The following NETO2 variants were observed in gnomAD, a reference collection of about 807,000 sequenced individuals.
The protein encoded by NETO2 is neuropilin and tolloid like 2.
In NETO2, 28 loss-of-function variants were observed where a neutral mutation model predicts 62.5. The observed-to-expected ratio is 0.45, with a 90% confidence interval of 0.33 to 0.61. The LOEUF is 0.61. NETO2 is among the 20% of genes least tolerant of loss of function. NETO2 has a pLI of 0.02. For missense variants in NETO2, 548 were observed against 643.2 expected, an observed-to-expected ratio of 0.85 and a Z score of 1.60; for synonymous variants, 214 against 219.1, an observed-to-expected ratio of 0.98 and a Z score of 0.21.
At chr16:47,135,113 C>A (rs1391656064) in intron 1 of NETO2, among the ~76,000 whole-genome samples, 1 of 152,196 alleles carries the variant, frequency 6.6e-6, no homozygotes. Flanking sequence ...GACTATTAAT[C>A]CATTCTAAAT....
rs374351135 is a variant in NETO2 at position 47,084,934 on chromosome 16, C to T, written c.998-1133G>A. On this transcript the variant is annotated intron_variant, in intron 8 of 8. Coordinates refer to ENST00000562435, the MANE Select transcript of NETO2 (RefSeq NM_018092.5). ...AATAAAGTGCCCAATAAATGTAACG[C>T]GCTTAAATCATCCTGAAACCAACCC... 2.4e-4 allele frequency among the ~76,000 whole-genome samples: 37 copies of T among 152,218 alleles called. 1 individual carries two copies. The highest frequency in any genetic ancestry group is 6.8e-3 in the Middle Eastern group (2 of 294).
At chr16:47,136,344 T>G (rs1964361088) in intron 1 of NETO2, among the ~76,000 whole-genome samples, 2 of 152,108 alleles carry the variant, frequency 1.3e-5, no homozygotes, top group African/African-American at 4.8e-5. Flanking sequence ...CTCCAGCACC[T>G]TACAGATAAC....
chr16:47,115,531 AT>A (rs918769763), intron 6 of NETO2, among the ~76,000 whole-genome samples: 39 of 144,630 alleles, frequency 2.7e-4, no homozygotes, highest in South Asian at 8.8e-4. Flanking sequence ...AATTCAACTG[AT>A]TTTTTTTTTT....
intron 6 of NETO2, among the ~76,000 whole-genome samples, chr16:47,113,337 T>C (rs1963840929): frequency 7.2e-5 from 11 of 152,160 alleles, no homozygotes; most frequent in Admixed American, 6.5e-4. Flanking sequence ...CCCACTCAAC[T>C]TCTCTTGTGC....
chr16:47,109,625 A>T lies in NETO2; in HGVS notation c.741T>A (p.Ser247=), dbSNP rs779755397. 3 of 1,614,042 alleles carry T rather than the reference A, an allele frequency of 1.9e-6. No individual in the cohort carries two copies. The highest frequency in any genetic ancestry group is 2.7e-5 in the African/African-American group (2 of 74,930). Residue 247 remains serine, a synonymous_variant, in exon 7 of 9, where the codon TCT becomes TCA. Transcript: ENST00000562435. ...AAAACTTGGCCTTCAGGTTTTCAAT[A>T]GAACTGCTTCCATCATAGACTGCAA... is the stretch of plus-strand genomic sequence containing the variant. ...NFVAVYDGSS[S]IENLKAKFCS...
Position 47,122,771 on chromosome 16 carries a change from C to T in NETO2, c.540G>A (p.Glu180=). Residue 180 remains glutamate, a synonymous_variant, in exon 6 of 9, where the codon GAG becomes GAA. Coordinates refer to ENST00000562435, the MANE Select transcript of NETO2 (RefSeq NM_018092.5). ...GCACTATTCCATCAGCTCCCGAGAG[C>T]TCGAACTGACAATCTGGAAGGAATA... ...ILNPIPDCQF[E]LSGADGIVRS... 1 of 1,613,966 alleles carries T rather than the reference C, an allele frequency of 6.2e-7. No individual in the cohort carries two copies.
chr16:47,083,026 G>C lies in NETO2; in HGVS notation c.*195C>G. ...AGATGATTATTGTTTCCACTGAATA[G>C]AGTAAGTTCCTTGATTGGTTTAACA... On this transcript the variant is annotated 3_prime_UTR_variant, in exon 9 of 9. Coordinates refer to ENST00000562435, the MANE Select transcript of NETO2 (RefSeq NM_018092.5). 1.9e-6 allele frequency: 1 copy of C among 526,192 alleles called. No individual in the cohort carries two copies. The highest frequency in any genetic ancestry group is 3.3e-6 in the Non-Finnish European group (1 of 301,856). The allele number at this position is 526,192 out of a possible 1,614,324, so 32.6% of individuals were successfully genotyped here.
At chr16:47,142,033 C>T (rs1964470494) in intron 1 of NETO2, among the ~76,000 whole-genome samples, 1 of 152,182 alleles carries the variant, frequency 6.6e-6, no homozygotes, top group Non-Finnish European at 1.5e-5. Context: ...CTCGGATGCA[C>T]GGTCAGTAGC....
chr16:47,114,800 T>C (rs923596173), intron 6 of NETO2, among the ~76,000 whole-genome samples: 4 of 152,168 alleles, frequency 2.6e-5, no homozygotes, highest in African/African-American at 9.7e-5. Context: ...AAGAACTCTT[T>C]GTCTAACCCA....
At chr16:47,109,402 T>A (rs1028801669) in intron 7 of NETO2, 81 bp downstream of exon 7, 3 of 839,748 alleles carry the variant, frequency 3.6e-6, no homozygotes, top group Non-Finnish European at 5.2e-6. Flanking sequence ...ATAAATATTT[T>A]AAAAAAGTAA....
chr16:47,122,172 T>C (rs1964052761), intron 6 of NETO2, among the ~76,000 whole-genome samples: 1 of 152,196 alleles, frequency 6.6e-6, no homozygotes, highest in Non-Finnish European at 1.5e-5. Context: ...TTCCCTGCAG[T>C]TCTTTCCAAT....
At chr16:47,106,677 C>T (rs1963681987) in intron 7 of NETO2, among the ~76,000 whole-genome samples, 1 of 152,140 alleles carries the variant, frequency 6.6e-6, no homozygotes, top group Middle Eastern at 3.4e-3. Context: ...ATATGCCCAC[C>T]ATAAGTAGAA....
rs780038912 is a variant in NETO2 at position 47,083,286 on chromosome 16, G to A, written c.1513C>T (p.Pro505Ser). The change falls in exon 9 of 9, where the codon CCC (proline) becomes TCC (serine). Residue 505 changes from proline (P) to serine (S), a missense_variant. Coordinates refer to ENST00000562435, the MANE Select transcript of NETO2 (RefSeq NM_018092.5). ...CGCCCCCTGACATAAATTTCACAGG[G>A]AATCTCCTCCATTACTCGGTCTTCC... Reference protein sequence around the residue: ...ALEDRVMEEIPCEIYVRGRED... With the variant: ...ALEDRVMEEISCEIYVRGRED... 6.2e-7 allele frequency: 1 copy of A among 1,614,020 alleles called. No individual in the cohort carries two copies. The highest frequency in any genetic ancestry group is 1.3e-5 in the African/African-American group (1 of 74,922).
Position 47,081,890 on chromosome 16 carries a change from A to G in NETO2, c.*1331T>C, listed in dbSNP as rs924531680. 3 of 152,614 alleles carry G rather than the reference A, an allele frequency of 2.0e-5. No individual in the cohort carries two copies. The highest frequency in any genetic ancestry group is 7.2e-5 in the African/African-American group (3 of 41,450). The allele number at this position is 152,614 out of a possible 1,614,324, so 9.5% of individuals were successfully genotyped here. On this transcript the variant is annotated 3_prime_UTR_variant, in exon 9 of 9. Transcript: ENST00000562435. ...TTATCACAAACTAAATACAGTAACAAAAGGAAAGAAAGAGCTTATGTCCAC... is the reference window on the plus strand; with the variant it reads ...TTATCACAAACTAAATACAGTAACAGAAGGAAAGAAAGAGCTTATGTCCAC...
intron 1 of NETO2, 43 bp from the exon 2 acceptor site, chr16:47,132,068 T>C (rs1412374791): frequency 7.5e-7 from 1 of 1,331,870 alleles, no homozygotes; most frequent in Non-Finnish European, 1.1e-6. Flanking sequence ...ATTGAATCTA[T>C]ACTACATTTT....
chr16:47,087,681 T>C (rs1051096433), intron 7 of NETO2, among the ~76,000 whole-genome samples: 1 of 152,256 alleles, frequency 6.6e-6, no homozygotes, highest in African/African-American at 2.4e-5. Context: ...TAAAGGTATA[T>C]GGAATATATA....
Position 47,107,568 on chromosome 16 carries a change from A to C in NETO2, c.883+1915T>G, listed in dbSNP as rs551146969. On this transcript the variant is annotated intron_variant, in intron 7 of 8. Coordinates refer to ENST00000562435, the MANE Select transcript of NETO2 (RefSeq NM_018092.5). ...TCAGGTTTCTCGCTGTTTAAGATGA[A>C]GAAAGGGCTCCTTGGAAATGCGGCT... Among the ~76,000 whole-genome samples, 14 of 152,332 alleles carry C rather than the reference A, an allele frequency of 9.2e-5. No homozygotes were observed. The South Asian group carries it at 2.7e-3, about 29-fold the overall frequency.
Position 47,083,120 on chromosome 16 carries a change from A to G in NETO2, c.*101T>C. On this transcript the variant is annotated 3_prime_UTR_variant, in exon 9 of 9. Transcript: ENST00000562435. The stretch of plus-strand genomic sequence containing the variant: ...GTTAACGGTAAATCAAGGTCTTCGT[A>G]GTTGTGATGGGAGAAAAGGGTTGGC... The G allele has an allele frequency of 9.8e-7, 1 of 1,016,838 alleles. No homozygotes were observed. Among genetic ancestry groups the G allele is most frequent in the Non-Finnish European group, 1.5e-6 (1 of 682,076 alleles). 63.0% of individuals were successfully genotyped at this position (1,016,838 alleles called of 1,614,324 possible).
rs1963095051 is a variant in NETO2 at position 47,082,786 on chromosome 16, A to G, written c.*435T>C. 6.4e-6 allele frequency: 1 copy of G among 157,248 alleles called. No homozygotes were observed. The allele number at this position is 157,248 out of a possible 1,614,324, so 9.7% of individuals were successfully genotyped here. ...AATGAAATGGTAAAACGATAGGCTT[A>G]TAAAACAAATTAAATTTAGAGAAAG... On this transcript the variant is annotated 3_prime_UTR_variant, in exon 9 of 9. Coordinates refer to ENST00000562435, the MANE Select transcript of NETO2 (RefSeq NM_018092.5).
Sources: gnomAD v4.1 joint callset for allele counts (sites outside exome capture counted in the v4.1 genomes callset) on GRCh38, gnomAD v4.1.1 for gene constraint, MANE v1.5 for transcripts, NCBI Gene and HGNC (gene_info 2026-07-23, HGNC 2026-07-21) for gene names.